Variants in LIN28B observed in about 807,000 individuals in gnomAD.
LIN28B encodes lin-28 RNA binding posttranscriptional regulator B, also known as protein lin-28 homolog B.
Under a neutral mutation model 21.9 loss-of-function variants are expected in LIN28B, and 5 were observed. The ratio of observed to expected loss-of-function variants is 0.23; its 90% CI spans 0.12 to 0.48. The LOEUF is 0.48. Among genes scored for constraint, LIN28B ranks in the 20% least tolerant of loss-of-function variants. LIN28B has a pLI of 0.98. For missense variants in LIN28B, 245 were observed against 310.5 expected, an observed-to-expected ratio of 0.79 and a Z score of 1.58; for synonymous variants, 109 against 111.3, an observed-to-expected ratio of 0.98 and a Z score of 0.13.
chr6:105,038,462 C>T (rs1054038157), intron 3 of LIN28B, among the ~76,000 whole-genome samples: 3 of 152,158 alleles, frequency 2.0e-5, no homozygotes, highest in Non-Finnish European at 2.9e-5. Context: ...ACAAGCTGAG[C>T]ACAGAGCACC....
At chr6:105,023,371 A>T (rs866505604) in intron 2 of LIN28B, among the ~76,000 whole-genome samples, 12 of 8,698 alleles carry the variant, frequency 1.4e-3, no homozygotes, top group African/African-American at 6.2e-3. Context: ...ATTATATATA[A>T]TATATATAAT....
chr6:104,973,406 T>C (rs1770019234), intron 2 of LIN28B, among the ~76,000 whole-genome samples: 1 of 152,158 alleles, frequency 6.6e-6, no homozygotes, highest in Non-Finnish European at 1.5e-5. Context: ...TTACCCAAAT[T>C]ATTGGTGCTT....
At chr6:104,947,661 GTA>G (rs1476422574) in intron 2 of LIN28B, among the ~76,000 whole-genome samples, 4 of 150,860 alleles carry the variant, frequency 2.7e-5, no homozygotes, top group Admixed American at 1.3e-4. Context: ...GAATTATTTT[GTA>G]TATATGTATT....
intron 2 of LIN28B, among the ~76,000 whole-genome samples, chr6:104,960,630 T>C (rs957165710): frequency 3.6e-4 from 55 of 152,076 alleles, no homozygotes; most frequent in African/African-American, 1.3e-3. Context: ...TGAAGTATTC[T>C]GAAACATTTT....
intron 3 of LIN28B, among the ~76,000 whole-genome samples, chr6:105,072,723 T>C (rs1360610893): frequency 6.6e-6 from 1 of 152,216 alleles, no homozygotes; most frequent in Non-Finnish European, 1.5e-5. Context: ...AAAATTGTTA[T>C]TGTTTAACTG....
intron 3 of LIN28B, among the ~76,000 whole-genome samples, chr6:105,067,543 C>A (rs1237886859): frequency 6.6e-6 from 1 of 152,122 alleles, no homozygotes; most frequent in Non-Finnish European, 1.5e-5. Context: ...ATGAAGTTAT[C>A]TGTGTTTGAG....
At chr6:104,989,811 C>T (rs991243964) in intron 2 of LIN28B, among the ~76,000 whole-genome samples, 3 of 151,864 alleles carry the variant, frequency 2.0e-5, no homozygotes, top group East Asian at 1.9e-4. Flanking sequence ...TGGCTGGTTA[C>T]GAACTCCTGG....
At chr6:105,007,940 C>T (rs967437914) in intron 2 of LIN28B, among the ~76,000 whole-genome samples, 1 of 152,172 alleles carries the variant, frequency 6.6e-6, no homozygotes, top group Non-Finnish European at 1.5e-5. Flanking sequence ...CCACCACGCC[C>T]AGCCCCCTTT....
intron 2 of LIN28B, chr6:104,940,503 C>CGCGGTAAA (rs1330879348): frequency 6.5e-6 from 1 of 152,718 alleles, no homozygotes; most frequent in East Asian, 1.9e-4. Flanking sequence ...CGGGGGCGCC[C>CGCGGTAAA]GCGGTAAAGC....
At chr6:105,074,988 A>G (rs1772398489) in intron 3 of LIN28B, among the ~76,000 whole-genome samples, 1 of 152,212 alleles carries the variant, frequency 6.6e-6, no homozygotes, top group Non-Finnish European at 1.5e-5. Context: ...GATTACAGGC[A>G]TGAGCCACTG....
intron 3 of LIN28B, among the ~76,000 whole-genome samples, chr6:105,037,806 C>T (rs562095612): frequency 6.6e-5 from 10 of 151,998 alleles, no homozygotes; most frequent in South Asian, 2.1e-4. Flanking sequence ...CTACTGCGCC[C>T]GGCCAAGAGT....
chr6:105,077,244 C>G (rs1772445094), intron 3 of LIN28B, among the ~76,000 whole-genome samples: 1 of 151,898 alleles, frequency 6.6e-6, no homozygotes, highest in Non-Finnish European at 1.5e-5. Context: ...ATATATATAA[C>G]CTGTTGTTCT....
At chr6:104,980,359 A>G (rs1770193774) in intron 2 of LIN28B, among the ~76,000 whole-genome samples, 1 of 152,184 alleles carries the variant, frequency 6.6e-6, no homozygotes, top group Non-Finnish European at 1.5e-5. Flanking sequence ...CCACAGAGTA[A>G]TGAGGAAAAG....
intron 2 of LIN28B, among the ~76,000 whole-genome samples, chr6:105,023,707 G>A (rs1301881146): frequency 8.7e-6 from 1 of 115,026 alleles, no homozygotes; most frequent in Non-Finnish European, 1.7e-5. Context: ...GGACTAATTT[G>A]GGGAGGGGGA....
chr6:104,975,646 C>CT lies in LIN28B; in HGVS notation c.198+17369dup, dbSNP rs768790332. 1.2e-3 allele frequency among the ~76,000 whole-genome samples: 182 copies of CT among 150,486 alleles called. 1 individual carries two copies. Among genetic ancestry groups the CT allele is most frequent in the Non-Finnish European group, 1.3e-3 (88 of 67,538 alleles). On this transcript the variant is annotated intron_variant, in intron 2 of 3. Coordinates refer to ENST00000345080, the MANE Select transcript of LIN28B (RefSeq NM_001004317.4). Reference sequence around the variant, plus strand: ...GTGCTTGCATGTGCCAAGTACTGTGCTTTTTTTTTCTTTTTTTTTGGACGC... The same window carrying CT: ...GTGCTTGCATGTGCCAAGTACTGTGCTTTTTTTTTTCTTTTTTTTTGGACGC...
At chr6:105,052,255 A>T (rs1213164736) in intron 3 of LIN28B, among the ~76,000 whole-genome samples, 2 of 152,154 alleles carry the variant, frequency 1.3e-5, no homozygotes, top group Non-Finnish European at 2.9e-5. Flanking sequence ...TGGTTTATGA[A>T]GTTTGATTTT....
At chr6:105,072,718 TG>T (rs1772354735) in intron 3 of LIN28B, among the ~76,000 whole-genome samples, 1 of 152,184 alleles carries the variant, frequency 6.6e-6, no homozygotes, top group African/African-American at 2.4e-5. Context: ...TTACTAAAAT[TG>T]TTATTGTTTA....
intron 2 of LIN28B, among the ~76,000 whole-genome samples, chr6:104,988,058 A>G (rs1244653975): frequency 2.0e-5 from 3 of 151,950 alleles, no homozygotes; most frequent in Non-Finnish European, 4.4e-5. Context: ...ATATTCTTCT[A>G]TTTTTTTAAA....
intron 3 of LIN28B, among the ~76,000 whole-genome samples, chr6:105,075,043 C>T (rs1772399460): frequency 6.6e-6 from 1 of 152,134 alleles, no homozygotes; most frequent in Non-Finnish European, 1.5e-5. Context: ...AGAAAATATC[C>T]TTTGTGCCAT....
Sources: gnomAD v4.1 joint callset for allele counts (sites outside exome capture counted in the v4.1 genomes callset) on GRCh38, gnomAD v4.1.1 for gene constraint, MANE v1.5 for transcripts, NCBI Gene and HGNC (gene_info 2026-07-23, HGNC 2026-07-21) for gene names.